RFX1: variants seen among roughly 807,000 people sequenced by gnomAD.
RFX1 encodes MHC class II regulatory factor RFX1.
A neutral mutation model predicts 119.6 loss-of-function variants in RFX1; 42 were observed. That is an observed-to-expected ratio of 0.35 (90% confidence interval 0.27 to 0.45). The LOEUF (loss-of-function observed/expected upper bound fraction) is 0.45. Ranked by LOEUF, RFX1 falls within the 20% of genes least tolerant of loss-of-function variation. The pLI is 1.00. For synonymous variants in RFX1, 628 were observed against 618.5 expected (o/e 1.02, Z -0.23); for missense variants, 1,118 against 1,368.1 (o/e 0.82, Z 2.88).
intron 9 of RFX1, 134 bp downstream of exon 9, chr19:13,972,609 G>T (rs979299583): frequency 1.5e-6 from 1 of 656,896 alleles, no homozygotes; most frequent in Non-Finnish European, 2.6e-6. Flanking sequence ...CAGGACATCT[G>T]CATATGTTCT....
intron 1 of RFX1, among the ~76,000 whole-genome samples, chr19:14,004,880 C>T (rs1226778337): frequency 2.0e-5 from 3 of 152,130 alleles, no homozygotes; most frequent in Non-Finnish European, 4.4e-5. Flanking sequence ...TATTGTCACC[C>T]TAAAAAGCAG....
At position 13,963,139 on chromosome 19, in the gene RFX1, TGGG is replaced by T; in HGVS notation, c.2704_2706del (p.Pro902del). On this transcript the variant is annotated inframe_deletion, in exon 19 of 21. Coordinates refer to ENST00000254325, the MANE Select transcript of RFX1 (RefSeq NM_002918.5). ...TCGCGCACCTCGCCCATGACGGCGATGGGGGTCTCGCCCTTGGCCTGGGCTACG... is the reference window on the plus strand; with the variant it reads ...TCGCGCACCTCGCCCATGACGGCGATGGTCTCGCCCTTGGCCTGGGCTACG... The T allele has an allele frequency of 1.9e-6, 3 of 1,611,436 alleles. No homozygotes were observed. Among genetic ancestry groups the T allele is most frequent in the Non-Finnish European group, 1.7e-6 (2 of 1,178,708 alleles).
At chr19:13,992,110 C>T (rs1820952877) in intron 2 of RFX1, among the ~76,000 whole-genome samples, 1 of 152,154 alleles carries the variant, frequency 6.6e-6, no homozygotes, top group Non-Finnish European at 1.5e-5. Flanking sequence ...TTGATCCGGG[C>T]TCCCACTGAG....
chr19:13,963,422 C>T lies in RFX1; in HGVS notation c.2570+116G>A, dbSNP rs575978705. The stretch of plus-strand genomic sequence containing the variant: ...GCCTTCCCGGCACATGAGCCCAGGG[C>T]CCCAGCCTGCCCGCCCAGCCTGCAG... On this transcript the variant is annotated intron_variant, in intron 18 of 20. Coordinates refer to ENST00000254325, the MANE Select transcript of RFX1 (RefSeq NM_002918.5). The T allele has an allele frequency of 2.0e-3, 2,812 of 1,412,600 alleles. 8 individuals carry two copies. Among genetic ancestry groups the T allele is most frequent in the Non-Finnish European group, 2.4e-3 (2,536 of 1,046,980 alleles). The allele number at this position is 1,412,600 out of a possible 1,614,324, so 87.5% of individuals were successfully genotyped here. A position where few individuals can be genotyped will look rare whatever the true frequency, so the allele number is the denominator to read the frequency against.
At position 13,996,717 on chromosome 19, in the gene RFX1, G is replaced by C. The variant is rs1169002214; in HGVS notation, c.-52-2822C>G. Among the ~76,000 whole-genome samples, 20 of 137,602 alleles carry C rather than the reference G, an allele frequency of 1.5e-4. No homozygotes were observed. The East Asian group carries it at 4.0e-3, about 27-fold the overall frequency. 90.3% of individuals were successfully genotyped at this position (137,602 alleles called of 152,430 possible). Reference sequence around the variant, plus strand: ...AGGATGCCAGGCACAGGGCTCATTTGCTTTTTTTTTTTTTTTTTTTTTTGA... The same window carrying C: ...AGGATGCCAGGCACAGGGCTCATTTCCTTTTTTTTTTTTTTTTTTTTTTGA... On this transcript the variant is annotated intron_variant, in intron 1 of 20. Coordinates refer to ENST00000254325, the MANE Select transcript of RFX1 (RefSeq NM_002918.5).
At chr19:13,979,002 GGGCGGCGGCTCC>G (rs1202318431) in intron 7 of RFX1, among the ~76,000 whole-genome samples, 2 of 151,540 alleles carry the variant, frequency 1.3e-5, no homozygotes, top group Non-Finnish European at 2.9e-5. Context: ...CGGGCGGCCG[GGGCGGCGGCTCC>G]GGCGGCGGCG....
chr19:13,991,480 C>T (rs1052746056), intron 2 of RFX1, among the ~76,000 whole-genome samples: 1 of 152,098 alleles, frequency 6.6e-6, no homozygotes, highest in African/African-American at 2.4e-5. Flanking sequence ...GGCGCTCATG[C>T]GGACACCTCC....
chr19:14,003,038 A>G (rs1975266426), intron 1 of RFX1, among the ~76,000 whole-genome samples: 1 of 152,242 alleles, frequency 6.6e-6, no homozygotes, highest in African/African-American at 2.4e-5. Context: ...GCTCAAGTGC[A>G]GTGGCACGAT....
intron 2 of RFX1, among the ~76,000 whole-genome samples, chr19:13,988,516 G>A (rs1974688358): frequency 6.6e-6 from 1 of 152,182 alleles, no homozygotes; most frequent in African/African-American, 2.4e-5. Flanking sequence ...GCCAAGCAGA[G>A]CCATCCACTG....
intron 2 of RFX1, among the ~76,000 whole-genome samples, chr19:13,988,187 G>A (rs953762699): frequency 3.9e-5 from 6 of 151,996 alleles, no homozygotes; most frequent in African/African-American, 1.5e-4. Flanking sequence ...CCAACACGCC[G>A]GGCTAATTTT....
At chr19:14,005,233 A>G (rs1315426506) in intron 1 of RFX1, among the ~76,000 whole-genome samples, 1 of 152,134 alleles carries the variant, frequency 6.6e-6, no homozygotes. Flanking sequence ...CCTCTAAAGC[A>G]TTCCCTCATG....
At position 13,961,777 on chromosome 19, in the gene RFX1, A is replaced by G. The variant is rs1331809273; in HGVS notation, c.*918T>C. 1 of 152,212 alleles carries G rather than the reference A, an allele frequency of 6.6e-6. No homozygotes were observed. Among genetic ancestry groups the G allele is most frequent in the Non-Finnish European group, 1.5e-5 (1 of 68,054 alleles). 9.4% of individuals were successfully genotyped at this position (152,212 alleles called of 1,614,324 possible). On this transcript the variant is annotated 3_prime_UTR_variant, in exon 21 of 21. Transcript: ENST00000254325. Reference sequence around the variant, plus strand: ...TTTTCTTGCCATAAACATCTATCTCACAGGCTGAAAACACTGAGAAAACTG... The same window carrying G: ...TTTTCTTGCCATAAACATCTATCTCGCAGGCTGAAAACACTGAGAAAACTG...
Position 13,982,213 on chromosome 19 carries a change from G to C in RFX1, c.529C>G (p.Arg177Gly), listed in dbSNP as rs754841032. 7.6e-7 allele frequency: 1 copy of C among 1,307,650 alleles called. No individual in the cohort carries two copies. Among genetic ancestry groups the C allele is most frequent in the Non-Finnish European group, 9.8e-7 (1 of 1,020,800 alleles). 81.0% of individuals were successfully genotyped at this position (1,307,650 alleles called of 1,614,324 possible). A position where few individuals can be genotyped will look rare whatever the true frequency, so the allele number is the denominator to read the frequency against. The change falls in exon 5 of 21, where the codon CGT becomes GGT. Residue 177 changes from arginine (R) to glycine (G), a missense_variant. By Grantham distance (125) the Arg-to-Gly change is moderately radical (BLOSUM62 -2). Transcript: ENST00000254325. ...GGGGCTGCGCTCTGCACCACCAGAC[G>C]CTGCGTGGGAAGAGCCTGGGGCCAG... ...QVPQQALPTQ[R>G]LVVQSAAPGS...
chr19:13,994,271 C>T (rs762140450), intron 1 of RFX1, among the ~76,000 whole-genome samples: 2 of 152,134 alleles, frequency 1.3e-5, no homozygotes, highest in African/African-American at 4.8e-5. Flanking sequence ...AAAAATGGTA[C>T]GGTTCTCACT....
intron 1 of RFX1, among the ~76,000 whole-genome samples, chr19:13,994,850 T>A (rs1974939887): frequency 7.1e-6 from 1 of 141,104 alleles, no homozygotes; most frequent in South Asian, 2.2e-4. Flanking sequence ...TACATATATG[T>A]ACACATGTAT....
rs746264719 is a variant in RFX1, at chr19:13,966,547, T to C, written c.1852-17A>G. 4.5e-6 allele frequency: 7 copies of C among 1,549,336 alleles called. 1 individual carries two copies. Among genetic ancestry groups the C allele is most frequent in the Non-Finnish European group, 1.8e-6 (2 of 1,139,420 alleles). ...GACAATGGCCTGTGGCAGAGGCGGATGCTCAGGGAGGCTGGGGGGCAGCAT... is the reference window on the plus strand; with the variant it reads ...GACAATGGCCTGTGGCAGAGGCGGACGCTCAGGGAGGCTGGGGGGCAGCAT... On this transcript the variant is annotated splice_polypyrimidine_tract_variant and intron_variant, in intron 13 of 20. Coordinates refer to ENST00000254325, the MANE Select transcript of RFX1 (RefSeq NM_002918.5). The surrounding 1 kb of genome is among the most constrained non-coding windows in gnomAD (Gnocchi z 6.3).
Position 13,963,567 on chromosome 19 carries a change from C to T in RFX1, c.2541G>A (p.Lys847=). The part of the protein sequence containing the change: ...QGSAGFPKAA[K]LFLLKWSFYS... ...AGAAGGACCACTTGAGGAGGAAGAG[C>T]TTGGCGGCCTTGGGGAAGCCGGCGC... Residue 847 remains lysine (K), a synonymous_variant, in exon 18 of 21, where the codon AAG becomes AAA. Transcript: ENST00000254325. 1 of 1,604,640 alleles carries T rather than the reference C, an allele frequency of 6.2e-7. No individual in the cohort carries two copies. The highest frequency in any genetic ancestry group is 1.1e-5 in the South Asian group (1 of 90,988).
chr19:13,970,070 G>A lies in RFX1; in HGVS notation c.1420C>T (p.Pro474Ser), dbSNP rs747423569. 6.2e-7 allele frequency: 1 copy of A among 1,614,160 alleles called. No individual in the cohort carries two copies. The highest frequency in any genetic ancestry group is 8.5e-7 in the Non-Finnish European group (1 of 1,180,014). ...TTGCCGAAGGAGGCGGCGTTGACGG[G>A]CTCCAGCTTCTGCTCCTGGCAGTGC... ...LLHCQEQKLE[P>S]VNAASFGKLI... is the part of the protein sequence containing the mutation. Residue 474 changes from proline (P) to serine (S), a missense_variant, in exon 10 of 21, where the codon CCC becomes TCC. Coordinates refer to ENST00000254325, the MANE Select transcript of RFX1 (RefSeq NM_002918.5).
At chr19:13,971,819 C>G (rs1974089568) in intron 9 of RFX1, among the ~76,000 whole-genome samples, 1 of 152,018 alleles carries the variant, frequency 6.6e-6, no homozygotes, top group Admixed American at 6.6e-5. Flanking sequence ...ACCATCCTGG[C>G]CAACATGGTG....
Sources: allele counts gnomAD v4.1 joint callset (sites outside exome capture counted in the v4.1 genomes callset), GRCh38; gene constraint gnomAD v4.1.1; non-coding constraint Gnocchi (gnomAD v3.1); transcripts MANE v1.5; gene names NCBI Gene and HGNC (gene_info 2026-07-23, HGNC 2026-07-21).